Variants in DNM3 observed in about 807,000 individuals in gnomAD.
The protein encoded by DNM3 is dynamin 3.
DNM3 carries 47 observed loss-of-function variants against 101.6 expected under a neutral mutation model. That is an observed-to-expected ratio of 0.46 (90% CI 0.37 to 0.59). DNM3 has a LOEUF of 0.59. Ranked by LOEUF, DNM3 falls within the 20% of genes least tolerant of loss-of-function variation. The pLI is 0.00. For synonymous variants in DNM3, 385 were observed against 387.9 expected, an observed-to-expected ratio of 0.99 and a Z score of 0.09; for missense variants, 849 against 1,085.7, an observed-to-expected ratio of 0.78 and a Z score of 3.06.
chr1:172,075,428 T>C (rs564535766), intron 11 of DNM3, among the ~76,000 whole-genome samples: 1 of 152,300 alleles, frequency 6.6e-6, no homozygotes, highest in South Asian at 2.1e-4. Flanking sequence ...TTTCCTTCTA[T>C]GGTTTTTATG....
In DNM3 at chr1:172,010,613, ATTTTTTTTT is replaced by A. The variant is rs749047166; in HGVS notation, c.589+21480_589+21488del. Among the ~76,000 whole-genome samples, 10 of 47,198 alleles carry A rather than the reference ATTTTTTTTT, an allele frequency of 2.1e-4. No individual in the cohort carries two copies. In the Admixed American group the frequency reaches 2.3e-3, roughly 11 times the overall value. 31.0% of individuals were successfully genotyped at this position (47,198 alleles called of 152,430 possible). ...TTTTTCCCTCTCTGCTATTATGGCT[ATTTTTTTTT>A]TTTTTTTTTTTTTTGGTCACTGGTG... On this transcript the variant is annotated intron_variant, in intron 4 of 20. Coordinates refer to ENST00000627582, the MANE Select transcript of DNM3 (RefSeq NM_015569.5).
intron 1 of DNM3, among the ~76,000 whole-genome samples, chr1:171,865,473 G>T (rs1198348722): frequency 2.3e-5 from 3 of 131,658 alleles, no homozygotes; most frequent in Non-Finnish European, 4.6e-5. Context: ...CCATGATCCT[G>T]CCACTGCACT....
At chr1:171,901,037 C>T (rs995384805) in intron 1 of DNM3, among the ~76,000 whole-genome samples, 3 of 140,874 alleles carry the variant, frequency 2.1e-5, no homozygotes, top group African/African-American at 5.3e-5. Context: ...GGCGTGAACC[C>T]GGGAGGTGGA....
intron 13 of DNM3, among the ~76,000 whole-genome samples, chr1:172,109,514 G>A (rs2055302753): frequency 6.6e-6 from 1 of 152,124 alleles, no homozygotes; most frequent in Non-Finnish European, 1.5e-5. Flanking sequence ...ATAACTTCTG[G>A]CATTTCTTGT....
intron 4 of DNM3, among the ~76,000 whole-genome samples, chr1:172,009,036 A>G (rs1353692737): frequency 7.2e-6 from 1 of 138,360 alleles, no homozygotes. Context: ...TATATACAAT[A>G]TATATTTATA....
At chr1:172,324,059 T>G (rs947198776) in intron 17 of DNM3, among the ~76,000 whole-genome samples, 2 of 152,228 alleles carry the variant, frequency 1.3e-5, no homozygotes, top group African/African-American at 2.4e-5. Flanking sequence ...GCTAGTTTGT[T>G]TAAATTTTAA....
intron 14 of DNM3, among the ~76,000 whole-genome samples, chr1:172,193,925 C>T (rs576010845): frequency 6.6e-6 from 1 of 152,214 alleles, no homozygotes; most frequent in East Asian, 1.9e-4. Flanking sequence ...TTTGCTCTTG[C>T]TTCTCTAGTT....
chr1:171,869,938 A>G (rs1442500202), intron 1 of DNM3, among the ~76,000 whole-genome samples: 1 of 152,222 alleles, frequency 6.6e-6, no homozygotes, highest in East Asian at 1.9e-4. Context: ...AGTAGCTCAT[A>G]TCTGACCCTC....
chr1:171,896,783 T>C (rs1293272426), intron 1 of DNM3, among the ~76,000 whole-genome samples: 3 of 152,152 alleles, frequency 2.0e-5, no homozygotes, highest in African/African-American at 7.2e-5. Context: ...TATTCCTTCA[T>C]CCTCTCCAAA....
chr1:172,179,572 A>G (rs955586965), intron 14 of DNM3, among the ~76,000 whole-genome samples: 23 of 151,992 alleles, frequency 1.5e-4, no homozygotes, highest in African/African-American at 5.5e-4. Flanking sequence ...ACTTACATGG[A>G]CTTTCTAAGA....
chr1:172,271,877 T>A (rs1349949396), intron 15 of DNM3, among the ~76,000 whole-genome samples: 1 of 152,108 alleles, frequency 6.6e-6, no homozygotes, highest in Admixed American at 6.6e-5. Context: ...TGCTTAAAAA[T>A]CACATTCATT....
chr1:171,916,121 TC>T (rs1221810542), intron 1 of DNM3, among the ~76,000 whole-genome samples: 1 of 152,134 alleles, frequency 6.6e-6, no homozygotes, highest in Non-Finnish European at 1.5e-5. Flanking sequence ...CTCATTTTCT[TC>T]CCCCATTTCT....
chr1:172,373,174 A>C (rs548671332), intron 17 of DNM3, among the ~76,000 whole-genome samples: 38 of 152,240 alleles, frequency 2.5e-4, no homozygotes, highest in African/African-American at 8.7e-4. Flanking sequence ...GGTTAAAAAA[A>C]GAGAAATTTG....
At chr1:172,169,488 T>C (rs2058870991) in intron 14 of DNM3, among the ~76,000 whole-genome samples, 1 of 151,958 alleles carries the variant, frequency 6.6e-6, no homozygotes, top group South Asian at 2.1e-4. Flanking sequence ...GTGTTTGGTT[T>C]TCAAATGGTT....
chr1:171,945,921 AAG>A (rs1448034761), intron 2 of DNM3, among the ~76,000 whole-genome samples: 2 of 152,190 alleles, frequency 1.3e-5, no homozygotes, highest in Non-Finnish European at 2.9e-5. Context: ...ATCCCACGGT[AAG>A]GCAGTTTAGC....
chr1:171,850,991 C>G (rs903573684), intron 1 of DNM3, among the ~76,000 whole-genome samples: 6 of 152,168 alleles, frequency 3.9e-5, no homozygotes, highest in African/African-American at 1.4e-4. Context: ...CTTTGGTTCT[C>G]TCCTGCTCCC....
At chr1:172,137,731 T>A (rs1431559466) in intron 14 of DNM3, 1 of 152,188 alleles carries the variant, frequency 6.6e-6, no homozygotes. Flanking sequence ...TAATTTCAAA[T>A]ACTGAAGCTA....
intron 15 of DNM3, among the ~76,000 whole-genome samples, chr1:172,306,257 A>G (rs1013991243): frequency 5.3e-5 from 8 of 152,220 alleles, no homozygotes; most frequent in Admixed American, 3.9e-4. Context: ...CAGCCAAATC[A>G]TGAGTGATCT....
rs1035553406 is a variant in DNM3, at chr1:171,875,882, C to G, written c.161+34065C>G. On this transcript the variant is annotated intron_variant, in intron 1 of 20. Coordinates refer to ENST00000627582, the MANE Select transcript of DNM3 (RefSeq NM_015569.5). ...CTGGAGTGCAGTGGTGCGATCTGGG[C>G]TCACTGCAGCCTCCGCCTCCTGGGT... 3.1e-5 allele frequency among the ~76,000 whole-genome samples: 4 copies of G among 129,110 alleles called. No individual in the cohort carries two copies. In the East Asian group the frequency reaches 1.1e-3, roughly 34 times the overall value. The allele number at this position is 129,110 out of a possible 152,430, so 84.7% of individuals were successfully genotyped here.
Sources: gnomAD v4.1 joint callset for allele counts (sites outside exome capture counted in the v4.1 genomes callset) on GRCh38, gnomAD v4.1.1 for gene constraint, MANE v1.5 for transcripts, NCBI Gene and HGNC (gene_info 2026-07-23, HGNC 2026-07-21) for gene names.